NPHP4: variants seen among roughly 807,000 people sequenced by gnomAD.
NPHP4 encodes the protein nephrocystin 4.
NPHP4 carries 151 observed loss-of-function variants against 155.8 expected under a neutral mutation model. The ratio of observed to expected loss-of-function variants is 0.97; its 90% confidence interval spans 0.85 to 1.11. The LOEUF (loss-of-function observed/expected upper bound fraction) is 1.11. Among genes scored for constraint, NPHP4 ranks in the 50% least tolerant of loss-of-function variants. The pLI is 0.00. For missense variants in NPHP4, 1,956 were observed against 1,925.7 expected, an observed-to-expected ratio of 1.02 and a Z score of -0.29; for synonymous variants, 845 against 816.8, an observed-to-expected ratio of 1.03 and a Z score of -0.59.
At chr1:5,880,336 G>T in intron 18 of NPHP4, 97 bp from the exon 19 acceptor site, 2 of 1,282,288 alleles carry the variant, frequency 1.6e-6, no homozygotes, top group Non-Finnish European at 1.1e-6. Context: ...CTTTCAAATG[G>T]CCTATCTACA....
chr1:5,958,511 G>A (rs1395635244), intron 6 of NPHP4, among the ~76,000 whole-genome samples: 1 of 152,088 alleles, frequency 6.6e-6, no homozygotes, highest in Non-Finnish European at 1.5e-5. Flanking sequence ...CCTGGCCAAC[G>A]TGGTGAAACC....
chr1:5,897,266 A>G (rs1644439417), intron 16 of NPHP4, among the ~76,000 whole-genome samples: 1 of 152,214 alleles, frequency 6.6e-6, no homozygotes, highest in Non-Finnish European at 1.5e-5. Flanking sequence ...AAGAGGTGGA[A>G]GGTTGCTGGG....
intron 6 of NPHP4, among the ~76,000 whole-genome samples, chr1:5,960,849 C>T (rs1020312384): frequency 2.6e-5 from 4 of 152,170 alleles, no homozygotes; most frequent in African/African-American, 9.7e-5. Context: ...CACACCAAGA[C>T]AGAGCCCTTG....
intron 5 of NPHP4, among the ~76,000 whole-genome samples, chr1:5,962,637 G>C (rs895330289): frequency 2.6e-5 from 4 of 152,202 alleles, no homozygotes; most frequent in African/African-American, 9.7e-5. Context: ...TGATGGCTAA[G>C]ACCAAACACG....
Position 5,909,166 on chromosome 1 carries a change from G to A in NPHP4, c.1489C>T (p.Pro497Ser), listed in dbSNP as rs1645056178. The change falls in exon 12 of 30, where the codon CCT becomes TCT. Residue 497 changes from proline (P) to serine (S), a missense_variant. Physicochemically the swap from Pro to Ser is moderately conservative, Grantham distance 74. Coordinates refer to ENST00000378156, the MANE Select transcript of NPHP4 (RefSeq NM_015102.5). ...CCTGGACTTACCCCTGGTCCCACAG[G>A]TGAGTTCTGCGGGGCAGCGAGAACT... ...PRVLAAPQNS[P>S]VGPGLSISQL... 2 of 1,601,300 alleles carry A rather than the reference G, an allele frequency of 1.2e-6. No homozygotes were observed. Among genetic ancestry groups the A allele is most frequent in the East Asian group, 2.2e-5 (1 of 44,450 alleles).
intron 16 of NPHP4, among the ~76,000 whole-genome samples, chr1:5,902,619 C>T (rs150309883): frequency 1.3e-3 from 198 of 152,212 alleles, no homozygotes; most frequent in African/African-American, 4.4e-3. Flanking sequence ...TCTACTTTTA[C>T]TGGGTTTGTT....
chr1:5,895,888 A>G (rs890623885), intron 16 of NPHP4, among the ~76,000 whole-genome samples: 45 of 152,238 alleles, frequency 3.0e-4, no homozygotes, highest in Middle Eastern at 3.4e-3. Context: ...TGCAGCCCAC[A>G]GAGCATGACG....
At chr1:5,945,908 C>CA (rs539624932) in intron 9 of NPHP4, among the ~76,000 whole-genome samples, 52 of 152,124 alleles carry the variant, frequency 3.4e-4, no homozygotes, top group African/African-American at 1.1e-3. Flanking sequence ...CATTGTCCCC[C>CA]CCCAGGGCGT....
Position 5,863,442 on chromosome 1 carries a change from G to A in NPHP4, c.4141-37C>T, listed in dbSNP as rs372580754. The A allele has an allele frequency of 1.3e-4, 205 of 1,607,568 alleles. No individual in the cohort carries two copies. In the East Asian group the frequency reaches 3.3e-3, roughly 26 times the overall value. Reference sequence around the variant, plus strand: ...CATCCAAATCCCAGCATCCACCCCCGGGCTGTCCCACGCTCTCACCAGCAA... The same window carrying A: ...CATCCAAATCCCAGCATCCACCCCCAGGCTGTCCCACGCTCTCACCAGCAA... On this transcript the variant is annotated intron_variant, in intron 29 of 29. Coordinates refer to ENST00000378156, the MANE Select transcript of NPHP4 (RefSeq NM_015102.5).
chr1:5,966,812 G>A lies in NPHP4; in HGVS notation c.517+487C>T, dbSNP rs553257406. The stretch of plus-strand genomic sequence containing the variant: ...CAGGCAGGCAGCAGCAGAGCAGACC[G>A]TCATCCCCATCCTTCCCAAATGGCT... On this transcript the variant is annotated intron_variant, in intron 5 of 29. Coordinates refer to ENST00000378156, the MANE Select transcript of NPHP4 (RefSeq NM_015102.5). Among the ~76,000 whole-genome samples the A allele has an allele frequency of 1.1e-4, 16 of 152,198 alleles. 1 individual carries two copies. The South Asian group carries it at 2.7e-3, about 26-fold the overall frequency.
intron 10 of NPHP4, among the ~76,000 whole-genome samples, chr1:5,928,433 G>A (rs1228121211): frequency 6.6e-6 from 1 of 152,182 alleles, no homozygotes; most frequent in East Asian, 1.9e-4. Context: ...CTATTGTACG[G>A]ATGTACCAGT....
At chr1:5,953,490 G>C (rs900221378) in intron 6 of NPHP4, among the ~76,000 whole-genome samples, 8 of 152,184 alleles carry the variant, frequency 5.3e-5, no homozygotes, top group Non-Finnish European at 1.2e-4. Context: ...CCTGCTGCCC[G>C]GCATGGCTTC....
At chr1:5,981,307 A>T (rs1333631862) in intron 2 of NPHP4, among the ~76,000 whole-genome samples, 2 of 152,148 alleles carry the variant, frequency 1.3e-5, no homozygotes, top group Non-Finnish European at 2.9e-5. Flanking sequence ...CATCCAGTCT[A>T]TTCAAATAAG....
At chr1:5,967,186 C>G in intron 5 of NPHP4, 113 bp downstream of exon 5, 2 of 817,720 alleles carry the variant, frequency 2.4e-6, no homozygotes, top group Admixed American at 2.5e-5. Context: ...GATAAATTAG[C>G]TAAGCAGATA....
At chr1:5,950,941 C>G (rs558001487) in intron 7 of NPHP4, among the ~76,000 whole-genome samples, 1 of 152,180 alleles carries the variant, frequency 6.6e-6, no homozygotes, top group Admixed American at 6.5e-5. Flanking sequence ...AAAAAGTGAG[C>G]AAATGGAGCC....
intron 3 of NPHP4, among the ~76,000 whole-genome samples, chr1:5,976,018 C>A (rs904704577): frequency 6.6e-6 from 1 of 152,204 alleles, no homozygotes; most frequent in African/African-American, 2.4e-5. Context: ...GAGGAGGGAA[C>A]TGGCCCCAGC....
intron 9 of NPHP4, among the ~76,000 whole-genome samples, chr1:5,934,691 G>A (rs1282212119): frequency 6.6e-6 from 1 of 152,202 alleles, no homozygotes; most frequent in Non-Finnish European, 1.5e-5. Context: ...AACCCAGGCA[G>A]CATCGCAAGC....
At chr1:5,986,349 A>G in intron 1 of NPHP4, 22 bp from the exon 2 acceptor site, 1 of 1,593,876 alleles carries the variant, frequency 6.3e-7, no homozygotes, top group South Asian at 1.1e-5. Flanking sequence ...GTATTCAAAT[A>G]AAGAGAAGAG....
chr1:5,970,528 C>T (rs954041643), intron 3 of NPHP4, among the ~76,000 whole-genome samples: 5 of 151,996 alleles, frequency 3.3e-5, no homozygotes, highest in South Asian at 4.1e-4. Flanking sequence ...GAAGGAATGC[C>T]GTAGCACAGT....
Sources: allele counts gnomAD v4.1 joint callset (sites outside exome capture counted in the v4.1 genomes callset), GRCh38; gene constraint gnomAD v4.1.1; transcripts MANE v1.5; gene names NCBI Gene and HGNC (gene_info 2026-07-23, HGNC 2026-07-21).